The following MPPED2 variants were observed in gnomAD, a reference collection of about 807,000 sequenced individuals.
MPPED2 encodes metallophosphoesterase MPPED2.
In MPPED2, 5 loss-of-function variants were observed where a neutral mutation model predicts 33.0. The observed-to-expected ratio is 0.15, with a 90% CI of 0.08 to 0.32. The LOEUF (loss-of-function observed/expected upper bound fraction) is 0.32. Among genes scored for constraint, MPPED2 ranks in the 10% least tolerant of loss-of-function variants. The pLI is 1.00. For synonymous variants in MPPED2, 136 were observed against 141.9 expected (o/e 0.96, Z 0.29); for missense variants, 275 against 372.1 (o/e 0.74, Z 2.15).
chr11:30,456,878 CA>C (rs1438662055), intron 4 of MPPED2, among the ~76,000 whole-genome samples: 2 of 152,088 alleles, frequency 1.3e-5, no homozygotes, highest in East Asian at 3.9e-4. Context: ...ATTATTCATG[CA>C]ATCATACAGC....
At chr11:30,522,570 G>C (rs1415597032) in intron 3 of MPPED2, among the ~76,000 whole-genome samples, 1 of 152,108 alleles carries the variant, frequency 6.6e-6, no homozygotes, top group African/African-American at 2.4e-5. Context: ...AATCAATGGA[G>C]GCCGCCCACC....
chr11:30,448,728 G>A (rs1949920626), intron 4 of MPPED2, among the ~76,000 whole-genome samples: 1 of 149,016 alleles, frequency 6.7e-6, no homozygotes, highest in African/African-American at 2.5e-5. Flanking sequence ...AGGCTAGAGT[G>A]CAATGGCATG....
intron 4 of MPPED2, among the ~76,000 whole-genome samples, chr11:30,465,400 A>G (rs1362224224): frequency 6.6e-6 from 1 of 152,148 alleles, no homozygotes. Context: ...CAACCCTCCC[A>G]ACTCAGCTTC....
At chr11:30,512,613 G>A (rs1360645464) in intron 3 of MPPED2, among the ~76,000 whole-genome samples, 11 of 152,160 alleles carry the variant, frequency 7.2e-5, no homozygotes, top group Non-Finnish European at 1.6e-4. Flanking sequence ...AACCGGGATT[G>A]TACAAACCCT....
chr11:30,522,379 G>A (rs1157093867), intron 3 of MPPED2, among the ~76,000 whole-genome samples: 5 of 111,286 alleles, frequency 4.5e-5, no homozygotes, highest in African/African-American at 1.8e-4. Flanking sequence ...AAATGCTTCA[G>A]GAAAACATAC....
chr11:30,397,302 T>A (rs1947850746), intron 6 of MPPED2, among the ~76,000 whole-genome samples: 1 of 152,172 alleles, frequency 6.6e-6, no homozygotes, highest in Non-Finnish European at 1.5e-5. Flanking sequence ...TCACTTTGGA[T>A]CTTGTTATAA....
intron 2 of MPPED2, among the ~76,000 whole-genome samples, chr11:30,549,795 T>C (rs994205837): frequency 4.6e-5 from 7 of 152,276 alleles, no homozygotes; most frequent in Middle Eastern, 3.4e-3. Flanking sequence ...CACACGTGAC[T>C]GCCGCCATCG....
chr11:30,481,167 G>T (rs888191398), intron 4 of MPPED2, among the ~76,000 whole-genome samples: 1 of 151,954 alleles, frequency 6.6e-6, no homozygotes, highest in Non-Finnish European at 1.5e-5. Context: ...ATTAATAGGC[G>T]ACCTTTCCTT....
intron 3 of MPPED2, among the ~76,000 whole-genome samples, chr11:30,500,840 A>G (rs1952524328): frequency 6.6e-6 from 1 of 152,204 alleles, no homozygotes; most frequent in South Asian, 2.1e-4. Context: ...GAGTAAGTGA[A>G]GGAACGAATG....
intron 3 of MPPED2, among the ~76,000 whole-genome samples, chr11:30,497,548 C>T (rs1590579906): frequency 6.6e-6 from 1 of 152,168 alleles, no homozygotes; most frequent in Non-Finnish European, 1.5e-5. Context: ...ATGGGACTCA[C>T]TGTAAACCCT....
chr11:30,583,175 T>TCA (rs1388151649), intron 1 of MPPED2, among the ~76,000 whole-genome samples: 2 of 133,154 alleles, frequency 1.5e-5, no homozygotes, highest in African/African-American at 5.8e-5. Flanking sequence ...TGGTAAACTC[T>TCA]CAGAGACAAG....
At chr11:30,424,042 G>A (rs530698476) in intron 4 of MPPED2, among the ~76,000 whole-genome samples, 49 of 152,208 alleles carry the variant, frequency 3.2e-4, no homozygotes, top group African/African-American at 1.0e-3. Context: ...TCGCTCACTC[G>A]CTCACTTGCT....
At chr11:30,393,448 C>T (rs1282226545) in intron 6 of MPPED2, among the ~76,000 whole-genome samples, 4 of 152,148 alleles carry the variant, frequency 2.6e-5, no homozygotes, top group Non-Finnish European at 5.9e-5. Context: ...AGAAAATTCC[C>T]TTCCCTTTAT....
intron 6 of MPPED2, among the ~76,000 whole-genome samples, chr11:30,395,946 C>A (rs763168118): frequency 6.6e-6 from 1 of 152,090 alleles, no homozygotes; most frequent in Non-Finnish European, 1.5e-5. Flanking sequence ...CGCAGATAAT[C>A]GTCATAAATT....
At chr11:30,542,797 G>T (rs985482552) in intron 2 of MPPED2, among the ~76,000 whole-genome samples, 1 of 152,092 alleles carries the variant, frequency 6.6e-6, no homozygotes, top group Admixed American at 6.5e-5. Context: ...AAGAATCTGA[G>T]CCATAAGTAG....
At chr11:30,448,382 A>G (rs1949906807) in intron 4 of MPPED2, among the ~76,000 whole-genome samples, 1 of 152,202 alleles carries the variant, frequency 6.6e-6, no homozygotes, top group Non-Finnish European at 1.5e-5. Context: ...GATGAGTTCC[A>G]CAAACACACC....
At chr11:30,394,587 A>T (rs1270284298) in intron 6 of MPPED2, among the ~76,000 whole-genome samples, 1 of 152,154 alleles carries the variant, frequency 6.6e-6, no homozygotes. Flanking sequence ...TTATGTGTTT[A>T]TTCAACTTTT....
intron 4 of MPPED2, among the ~76,000 whole-genome samples, chr11:30,482,862 T>C (rs1215204350): frequency 6.6e-6 from 1 of 152,174 alleles, no homozygotes; most frequent in Non-Finnish European, 1.5e-5. Flanking sequence ...TATGAACTGT[T>C]TCTATTTCTC....
chr11:30,470,334 G>A (rs1950894568), intron 4 of MPPED2, among the ~76,000 whole-genome samples: 1 of 152,114 alleles, frequency 6.6e-6, no homozygotes, highest in South Asian at 2.1e-4. Flanking sequence ...ATAAATTATA[G>A]TTAGATGGGA....
Sources: allele counts gnomAD v4.1 joint callset (sites outside exome capture counted in the v4.1 genomes callset), GRCh38; gene constraint gnomAD v4.1.1; transcripts MANE v1.5; gene names NCBI Gene and HGNC (gene_info 2026-07-23, HGNC 2026-07-21).